Variants in ZDHHC20 observed in about 807,000 individuals in gnomAD.
ZDHHC20 encodes the protein palmitoyltransferase ZDHHC20.
A neutral mutation model predicts 57.8 loss-of-function variants in ZDHHC20; 43 were observed. The observed-to-expected ratio is 0.74, with a 90% confidence interval of 0.58 to 0.96. ZDHHC20 has a LOEUF of 0.96. ZDHHC20 is among the 40% of genes least tolerant of loss of function. The pLI is 0.00. For missense variants in ZDHHC20, 391 were observed against 441.1 expected (o/e 0.89, Z 1.02); for synonymous variants, 157 against 153.0 (o/e 1.03, Z -0.19).
intron 1 of ZDHHC20, among the ~76,000 whole-genome samples, chr13:21,445,491 T>G (rs1163006499): frequency 1.3e-5 from 2 of 152,214 alleles, no homozygotes; most frequent in Non-Finnish European, 2.9e-5. Context: ...ACAATAGCTA[T>G]TATAATTAAC....
In ZDHHC20 at chr13:21,391,787, A is replaced by G. The variant is rs770279654; in HGVS notation, c.662T>C (p.Phe221Ser). ...GCTGAAAAGTGAGAGGACGCTGATG[A>G]AGAACATTGCAGACACAAAGAAAAG... ...LFLFFVSAMF[F>S]ISVLSLFSYH... Residue 221 changes from phenylalanine (F) to serine (S), a missense_variant, in exon 8 of 13, where the codon TTC (phenylalanine) becomes TCC (serine). Phe to Ser is a radical substitution (Grantham distance 155, BLOSUM62 -2). Around this residue, in one of 3 missense-constraint regions of ZDHHC20, gnomAD observed 197 missense variants for 220.8 expected, o/e 0.89. Transcript: ENST00000400590. 1 of 1,613,538 alleles carries G rather than the reference A, an allele frequency of 6.2e-7. No homozygotes were observed. The highest frequency in any genetic ancestry group is 8.5e-7 in the Non-Finnish European group (1 of 1,179,818).
At chr13:21,395,009 G>A (rs531283595) in intron 7 of ZDHHC20, among the ~76,000 whole-genome samples, 3 of 151,654 alleles carry the variant, frequency 2.0e-5, no homozygotes, top group South Asian at 2.1e-4. Flanking sequence ...ACTATGAGTA[G>A]CAAGTTATAG....
rs1355921853 is a variant in ZDHHC20 at position 21,373,470 on chromosome 13, T to TA, written c.*3225dup. ...ATAACCACTAATATGTAAAAAGTTT[T>TA]AAAAAAATCATCCTTACGTATAGAT... On this transcript the variant is annotated 3_prime_UTR_variant, in exon 13 of 13. Coordinates refer to ENST00000400590, the MANE Select transcript of ZDHHC20 (RefSeq NM_001330059.2). The TA allele has an allele frequency of 2.0e-5, 3 of 152,208 alleles. No homozygotes were observed. Among genetic ancestry groups the TA allele is most frequent in the African/African-American group, 7.2e-5 (3 of 41,454 alleles). The allele number at this position is 152,208 out of a possible 1,614,324, so 9.4% of individuals were successfully genotyped here. A position where few individuals can be genotyped will look rare whatever the true frequency, so the allele number is the denominator to read the frequency against.
chr13:21,378,583 C>T, intron 12 of ZDHHC20, 78 bp downstream of exon 12: 1 of 837,602 alleles, frequency 1.2e-6, no homozygotes, highest in Non-Finnish European at 1.6e-6. Context: ...TAAAAAAATA[C>T]AACTGCAAAT....
chr13:21,401,771 A>T, intron 5 of ZDHHC20, 86 bp from the exon 6 acceptor site: 1 of 1,258,588 alleles, frequency 7.9e-7, no homozygotes, highest in Non-Finnish European at 1.1e-6. Flanking sequence ...TTTGACTTAA[A>T]ATTCCCTTTA....
At chr13:21,380,147 A>G (rs1347352190) in intron 11 of ZDHHC20, among the ~76,000 whole-genome samples, 5 of 117,768 alleles carry the variant, frequency 4.2e-5, no homozygotes, top group Non-Finnish European at 7.3e-5. Context: ...ATGGAGTCTC[A>G]CTCTGTCACC....
chr13:21,401,971 G>A (rs1003649703), intron 5 of ZDHHC20, among the ~76,000 whole-genome samples: 11 of 152,020 alleles, frequency 7.2e-5, no homozygotes, highest in African/African-American at 2.7e-4. Context: ...TGGCTCATGC[G>A]TGTAATTAAT....
chr13:21,436,653 C>CGTCTCCTTGG (rs1882579265), intron 1 of ZDHHC20, among the ~76,000 whole-genome samples: 1 of 152,168 alleles, frequency 6.6e-6, no homozygotes. Context: ...TATCTCTCTC[C>CGTCTCCTTGG]GTCTCCTTGG....
At chr13:21,437,943 G>A (rs1451673496) in intron 1 of ZDHHC20, among the ~76,000 whole-genome samples, 13 of 152,112 alleles carry the variant, frequency 8.5e-5, no homozygotes, top group Non-Finnish European at 1.6e-4. Context: ...TGCCCGCCTC[G>A]GCCTCCCAAA....
rs191648987 is a variant in ZDHHC20, at chr13:21,415,763, T to C, written c.250-1991A>G. 8.9e-4 allele frequency among the ~76,000 whole-genome samples: 136 copies of C among 152,314 alleles called. 1 individual carries two copies. Among genetic ancestry groups the C allele is most frequent in the African/African-American group, 3.1e-3 (130 of 41,566 alleles). On this transcript the variant is annotated intron_variant, in intron 3 of 12. Transcript: ENST00000400590. Reference sequence around the variant, plus strand: ...CACATGGTAACATGTTAAATATATTTGAATAGAAGATGTTCTGATCAAATT... The same window carrying C: ...CACATGGTAACATGTTAAATATATTCGAATAGAAGATGTTCTGATCAAATT...
chr13:21,376,743 A>G lies in ZDHHC20; in HGVS notation c.*41-88T>C, dbSNP rs147186420. 542 of 761,534 alleles carry G rather than the reference A, an allele frequency of 7.1e-4. 1 individual carries two copies. The highest frequency in any genetic ancestry group is 1.0e-3 in the Non-Finnish European group (504 of 501,690). 47.2% of individuals were successfully genotyped at this position (761,534 alleles called of 1,614,324 possible). ...AAATGGTTCTGTGGGCTAAGGTACA[A>G]AGCTACTAATATAACAAGATGGAAA... On this transcript the variant is annotated intron_variant, in intron 12 of 12. Coordinates refer to ENST00000400590, the MANE Select transcript of ZDHHC20 (RefSeq NM_001330059.2).
Position 21,420,009 on chromosome 13 carries a change from G to A in ZDHHC20, c.249+1052C>T, listed in dbSNP as rs934573017. Among the ~76,000 whole-genome samples, 5 of 152,170 alleles carry A rather than the reference G, an allele frequency of 3.3e-5. No individual in the cohort carries two copies. The South Asian group carries it at 6.2e-4, about 19-fold the overall frequency. On this transcript the variant is annotated intron_variant, in intron 3 of 12. Transcript: ENST00000400590. ...ACTAGTATTTTAAAAGCTTAGGCCG[G>A]GCGTAAATGGCTCACGCCTGTAATC...
chr13:21,387,509 T>C lies in ZDHHC20; in HGVS notation c.853A>G (p.Ser285Gly). 1 of 1,520,130 alleles carries C rather than the reference T, an allele frequency of 6.6e-7. No homozygotes were observed. Among genetic ancestry groups the C allele is most frequent in the South Asian group, 1.3e-5 (1 of 76,994 alleles). The allele number at this position is 1,520,130 out of a possible 1,614,324, so 94.2% of individuals were successfully genotyped here. The stretch of plus-strand genomic sequence containing the variant: ...TGAGACCCACATTTTATAAATTACC[T>C]TGAAAATATTGGAAGTAGCCAATAT... ...KKYWLLPIFS[S>G]LGDGCSFPTR... Residue 285 changes from serine (S) to glycine (G), a missense_variant and splice_region_variant, in exon 9 of 13, where the codon AGC becomes GGC. Ser to Gly is a moderately conservative substitution (Grantham distance 56). Coordinates refer to ENST00000400590, the MANE Select transcript of ZDHHC20 (RefSeq NM_001330059.2).
chr13:21,399,354 T>TA (rs1217902757), intron 7 of ZDHHC20, among the ~76,000 whole-genome samples: 1 of 151,512 alleles, frequency 6.6e-6, no homozygotes, highest in Non-Finnish European at 1.5e-5. Context: ...CAAATAAAAA[T>TA]AAAATCAAAT....
In ZDHHC20 at chr13:21,376,564, A is replaced by G. The variant is rs1413392655; in HGVS notation, c.*132T>C. 5 of 1,095,826 alleles carry G rather than the reference A, an allele frequency of 4.6e-6. No homozygotes were observed. Among genetic ancestry groups the G allele is most frequent in the Admixed American group, 3.5e-5 (1 of 28,642 alleles). 67.9% of individuals were successfully genotyped at this position (1,095,826 alleles called of 1,614,324 possible). ...ACAAAGGCTTTCCGTTTTAAAAAAT[A>G]TATCTTCTGTTATACTTCAGTTATT... On this transcript the variant is annotated 3_prime_UTR_variant, in exon 13 of 13. Coordinates refer to ENST00000400590, the MANE Select transcript of ZDHHC20 (RefSeq NM_001330059.2).
At chr13:21,458,589 G>A (rs1051288024) in intron 1 of ZDHHC20, among the ~76,000 whole-genome samples, 4 of 152,134 alleles carry the variant, frequency 2.6e-5, no homozygotes, top group African/African-American at 9.7e-5. Flanking sequence ...CGCCACAGCC[G>A]GCTCTACAGG....
At chr13:21,450,279 A>T (rs968700510) in intron 1 of ZDHHC20, among the ~76,000 whole-genome samples, 1 of 152,092 alleles carries the variant, frequency 6.6e-6, no homozygotes, top group African/African-American at 2.4e-5. Flanking sequence ...CCGGAAAGGG[A>T]GCGGGCAGAG....
chr13:21,376,844 C>A, intron 12 of ZDHHC20, 189 bp from the exon 13 acceptor site: 1 of 358,094 alleles, frequency 2.8e-6, no homozygotes, highest in Non-Finnish European at 5.1e-6. Context: ...TTACTGTCTT[C>A]CCCAGAAGCA....
rs751093398 is a variant in ZDHHC20, at chr13:21,378,768, CAAAAAAAA to C, written c.1061-38_1061-31del. 1.7e-5 allele frequency: 12 copies of C among 688,858 alleles called. No homozygotes were observed. In the South Asian group the frequency reaches 3.9e-4, roughly 23 times the overall value. The allele number at this position is 688,858 out of a possible 1,614,324, so 42.7% of individuals were successfully genotyped here. A position where few individuals can be genotyped will look rare whatever the true frequency, so the allele number is the denominator to read the frequency against. ...AAGCATATAATTATATATGACATGA[CAAAAAAAA>C]AAAAAAAAAGAAGTATTAAGTTTCT... On this transcript the variant is annotated intron_variant, in intron 11 of 12. Transcript: ENST00000400590.
Sources: allele counts gnomAD v4.1 joint callset (sites outside exome capture counted in the v4.1 genomes callset), GRCh38; gene constraint gnomAD v4.1.1; regional missense constraint gnomAD v4.1.1; transcripts MANE v1.5; gene names NCBI Gene and HGNC (gene_info 2026-07-23, HGNC 2026-07-21).